The following GOLGA2 variants were observed in gnomAD, a reference collection of about 807,000 sequenced individuals.
The protein encoded by GOLGA2 is golgin subfamily A member 2.
In GOLGA2, 49 loss-of-function variants were observed where a neutral mutation model predicts 148.8. The observed-to-expected ratio is 0.33, with a 90% CI of 0.26 to 0.42. The LOEUF (loss-of-function observed/expected upper bound fraction) is 0.42, where lower values mean the gene tolerates loss of function less well. GOLGA2 is among the 10% of genes least tolerant of loss of function. The pLI is 1.00. For synonymous variants in GOLGA2, 501 were observed against 511.8 expected, an observed-to-expected ratio of 0.98 and a Z score of 0.28; for missense variants, 1,178 against 1,304.6, an observed-to-expected ratio of 0.90 and a Z score of 1.49.
rs201539252 is a variant in GOLGA2, at chr9:128,257,317, G to A, written c.2876-36C>T. On this transcript the variant is annotated intron_variant, in intron 26 of 26. Transcript: ENST00000611957. The surrounding 1 kb of genome is among the most constrained non-coding windows in gnomAD (Gnocchi z 8.0). ...AGAGAGGCAGGGCTCTGAGTGCCAC[G>A]CGAGCCCTCCCTTACTCCTGCCTGC... 6.3e-5 allele frequency: 101 copies of A among 1,611,194 alleles called. No individual in the cohort carries two copies. The East Asian group carries it at 1.2e-3, about 19-fold the overall frequency.
chr9:128,267,786 GAAGGCTCAGGGAA>G, intron 6 of GOLGA2, 135 bp downstream of exon 6: 1 of 705,310 alleles, frequency 1.4e-6, no homozygotes, highest in South Asian at 1.7e-5. Context: ...CTTCAAGGGA[GAAGGCTCAGGGAA>G]AAGGCGACTT....
Position 128,266,706 on chromosome 9 carries a change from GA to G in GOLGA2, c.643-382del. The G allele has an allele frequency of 2.7e-6, 1 of 373,426 alleles. No individual in the cohort carries two copies. 23.1% of individuals were successfully genotyped at this position (373,426 alleles called of 1,614,324 possible). ...TTCTTAATAGCAGGGATACCAGACAGAAAAAGACAGACAGGAGCCCTTGGCC... is the reference window on the plus strand; with the variant it reads ...TTCTTAATAGCAGGGATACCAGACAGAAAAGACAGACAGGAGCCCTTGGCC... On this transcript the variant is annotated intron_variant, in intron 8 of 26. Coordinates refer to ENST00000611957, the MANE Select transcript of GOLGA2 (RefSeq NM_001366244.2). This position sits in a 1 kb window ranked among gnomAD's most constrained non-coding sequence, Gnocchi z 4.2.
rs758803761 is a variant in GOLGA2, at chr9:128,259,310, C to G, written c.1954G>C (p.Ala652Pro). Reference sequence around the variant, plus strand: ...TTCTCAGAGGTCAGCTGCTGATAGGCGGCCACATACTGCTGCAGGTGTCCC... The same window carrying G: ...TTCTCAGAGGTCAGCTGCTGATAGGGGGCCACATACTGCTGCAGGTGTCCC... ...YLGHLQQYVA[A>P]YQQLTSEKEV... Residue 652 changes from alanine (A) to proline (P), a missense_variant, in exon 20 of 27, where the codon GCC (alanine) becomes CCC (proline). Physicochemically the swap from Ala to Pro is conservative, Grantham distance 27. Transcript: ENST00000611957. The G allele has an allele frequency of 3.7e-6, 6 of 1,610,788 alleles. No individual in the cohort carries two copies. In the South Asian group the frequency reaches 4.4e-5, roughly 12 times the overall value.
At position 128,259,273 on chromosome 9, in the gene GOLGA2, T is replaced by C. The variant is rs532305915; in HGVS notation, c.1991A>G (p.His664Arg). ...QQLTSEKEVL[H>R]NQLLLQTQLV... is the part of the protein sequence containing the mutation. Reference sequence around the variant, plus strand: ...CTGGGTCTGCAGCAGTAGCTGATTATGCAGCACCTCCTTCTCAGAGGTCAG... The same window carrying C: ...CTGGGTCTGCAGCAGTAGCTGATTACGCAGCACCTCCTTCTCAGAGGTCAG... The change falls in exon 20 of 27, where the codon CAT (histidine) becomes CGT (arginine). Residue 664 changes from histidine to arginine, a missense_variant. Coordinates refer to ENST00000611957, the MANE Select transcript of GOLGA2 (RefSeq NM_001366244.2). The C allele has an allele frequency of 1.2e-6, 2 of 1,611,972 alleles. No homozygotes were observed. Among genetic ancestry groups the C allele is most frequent in the South Asian group, 1.1e-5 (1 of 90,878 alleles).
At position 128,266,910 on chromosome 9, in the gene GOLGA2, C is replaced by G; in HGVS notation, c.642+284G>C. ...GGCAGAAATACAGGGCTCCTGACAACCAGTCAGGCTAGCGCTTCCCCAAGA... is the reference window on the plus strand; with the variant it reads ...GGCAGAAATACAGGGCTCCTGACAAGCAGTCAGGCTAGCGCTTCCCCAAGA... On this transcript the variant is annotated intron_variant, in intron 8 of 26. Transcript: ENST00000611957. This position sits in a 1 kb window ranked among gnomAD's most constrained non-coding sequence, Gnocchi z 4.2. 2 of 529,520 alleles carry G rather than the reference C, an allele frequency of 3.8e-6. No homozygotes were observed. The highest frequency in any genetic ancestry group is 6.8e-6 in the Non-Finnish European group (2 of 293,680). 32.8% of individuals were successfully genotyped at this position (529,520 alleles called of 1,614,324 possible). A position where few individuals can be genotyped will look rare whatever the true frequency, so the allele number is the denominator to read the frequency against.
In GOLGA2 at chr9:128,257,110, T is replaced by TA. The variant is rs763679060; in HGVS notation, c.3046dup (p.Tyr1016LeufsTer4). The TA allele has an allele frequency of 1.1e-5, 17 of 1,611,638 alleles. No homozygotes were observed. Among genetic ancestry groups the TA allele is most frequent in the South Asian group, 1.1e-5 (1 of 90,986 alleles). ...CACCTCATCATTCTCGTCAGCCCGG[T>TA]AAAAAAAAGGAATGCAGGGGTTGCT... On this transcript the variant is annotated frameshift_variant, in exon 27 of 27. Transcript: ENST00000611957. LOFTEE classifies it high-confidence loss of function. The surrounding 1 kb of genome is among the most constrained non-coding windows in gnomAD (Gnocchi z 8.0).
Position 128,271,961 on chromosome 9 carries a change from T to C in GOLGA2, c.288+824A>G, listed in dbSNP as rs1477676490. On this transcript the variant is annotated intron_variant, in intron 3 of 26. Coordinates refer to ENST00000611957, the MANE Select transcript of GOLGA2 (RefSeq NM_001366244.2). The surrounding 1 kb of genome is among the most constrained non-coding windows in gnomAD (Gnocchi z 4.4). Reference sequence around the variant, plus strand: ...CAGTTAGTTCCTCTGAAAAAATAGCTTCAATCCTTCCAACTATAATGTGAA... The same window carrying C: ...CAGTTAGTTCCTCTGAAAAAATAGCCTCAATCCTTCCAACTATAATGTGAA... 1.3e-5 allele frequency among the ~76,000 whole-genome samples: 2 copies of C among 151,996 alleles called. No homozygotes were observed. The highest frequency in any genetic ancestry group is 2.4e-5 in the African/African-American group (1 of 41,358).
rs552068111 is a variant in GOLGA2 at position 128,259,309 on chromosome 9, G to A, written c.1955C>T (p.Ala652Val). 11 of 1,611,388 alleles carry A rather than the reference G, an allele frequency of 6.8e-6. No individual in the cohort carries two copies. Residue 652 changes from alanine to valine, a missense_variant, in exon 20 of 27, where the codon GCC (alanine) becomes GTC (valine). Physicochemically the swap from Ala to Val is moderately conservative, Grantham distance 64. Transcript: ENST00000611957. ...YLGHLQQYVA[A>V]YQQLTSEKEV... ...CTTCTCAGAGGTCAGCTGCTGATAG[G>A]CGGCCACATACTGCTGCAGGTGTCC...
At chr9:128,262,487 C>T (rs1830332153) in intron 14 of GOLGA2, 76 bp downstream of exon 14, 5 of 1,426,100 alleles carry the variant, frequency 3.5e-6, no homozygotes, top group Admixed American at 2.1e-5. Context: ...GGAGTCTCCC[C>T]ATGCCCTGCA....
At chr9:128,262,944 C>T in intron 13 of GOLGA2, 90 bp downstream of exon 13, 1 of 930,462 alleles carries the variant, frequency 1.1e-6, no homozygotes, top group South Asian at 1.3e-5. Context: ...CTATGACTAC[C>T]TCATCATGCT....
Position 128,265,685 on chromosome 9 carries a change from G to C in GOLGA2, c.833C>G (p.Ser278Cys), listed in dbSNP as rs1178321620. 1.9e-6 allele frequency: 3 copies of C among 1,613,778 alleles called. No homozygotes were observed. The East Asian group carries it at 6.7e-5, about 36-fold the overall frequency. The part of the protein sequence containing the change: ...QHAARQKEGE[S>C]EDLASRLQYS... ...CTGCAGGCGGCTGGCCAGATCTTCAGACTCTCCTGGAATGAGAGAGGTTGA... is the reference window on the plus strand; with the variant it reads ...CTGCAGGCGGCTGGCCAGATCTTCACACTCTCCTGGAATGAGAGAGGTTGA... Residue 278 changes from serine to cysteine, a missense_variant, in exon 12 of 27, where the codon TCT (serine) becomes TGT (cysteine). By Grantham distance (112) the Ser-to-Cys change is moderately radical. Coordinates refer to ENST00000611957, the MANE Select transcript of GOLGA2 (RefSeq NM_001366244.2).
Position 128,261,813 on chromosome 9 carries a change from G to C in GOLGA2, c.1135-56C>G, listed in dbSNP as rs550869936. On this transcript the variant is annotated intron_variant, in intron 14 of 26. Transcript: ENST00000611957. This position sits in a 1 kb window ranked among gnomAD's most constrained non-coding sequence, Gnocchi z 5.7. ...TGGGGAGCCCAGGCCGTTCCAAATA[G>C]TGCCCCTTAAAAGGGCTAGGGCTAG... is the stretch of plus-strand genomic sequence containing the variant. The C allele has an allele frequency of 3.9e-4, 448 of 1,156,360 alleles. 10 individuals carry two copies. In the South Asian group the frequency reaches 5.2e-3, roughly 14 times the overall value. The allele number at this position is 1,156,360 out of a possible 1,614,324, so 71.6% of individuals were successfully genotyped here. A position where few individuals can be genotyped will look rare whatever the true frequency, so the allele number is the denominator to read the frequency against.
At position 128,267,393 on chromosome 9, in the gene GOLGA2, C is replaced by A. The variant is rs1027955501; in HGVS notation, c.561+65G>T. On this transcript the variant is annotated intron_variant, in intron 7 of 26. Coordinates refer to ENST00000611957, the MANE Select transcript of GOLGA2 (RefSeq NM_001366244.2). ...AGCTGGCAGAGGGGCACCCAGCCCC[C>A]GCTGTGGGAGGAGGTTGGAGGGCTG... 4.0e-6 allele frequency: 6 copies of A among 1,495,866 alleles called. No homozygotes were observed. The South Asian group carries it at 6.8e-5, about 17-fold the overall frequency. The allele number at this position is 1,495,866 out of a possible 1,614,324, so 92.7% of individuals were successfully genotyped here.
Position 128,265,626 on chromosome 9 carries a change from C to T in GOLGA2, c.892G>A (p.Ala298Thr). ...SRRRVGELER[A>T]LSAVSTQQKK... Reference sequence around the variant, plus strand: ...TGCTGCGTGGAGACAGCAGAGAGAGCCCGCTCCAACTCTCCCACACGCCGC... The same window carrying T: ...TGCTGCGTGGAGACAGCAGAGAGAGTCCGCTCCAACTCTCCCACACGCCGC... Residue 298 changes from alanine to threonine, a missense_variant, in exon 12 of 27, where the codon GCT becomes ACT. Physicochemically the swap from Ala to Thr is moderately conservative, Grantham distance 58. This residue lies in a region of GOLGA2 where 304 missense variants were observed against 404.1 expected (regional missense o/e 0.75). Coordinates refer to ENST00000611957, the MANE Select transcript of GOLGA2 (RefSeq NM_001366244.2). 1 of 1,613,624 alleles carries T rather than the reference C, an allele frequency of 6.2e-7. No homozygotes were observed. The highest frequency in any genetic ancestry group is 1.3e-5 in the African/African-American group (1 of 75,040).
At position 128,260,104 on chromosome 9, in the gene GOLGA2, T is replaced by A. The variant is rs756699959; in HGVS notation, c.1844A>T (p.Gln615Leu). The A allele has an allele frequency of 1.2e-6, 2 of 1,610,676 alleles. No individual in the cohort carries two copies. Among genetic ancestry groups the A allele is most frequent in the Non-Finnish European group, 1.7e-6 (2 of 1,179,570 alleles). Residue 615 changes from glutamine to leucine, a missense_variant, in exon 19 of 27, where the codon CAG (glutamine) becomes CTG (leucine). Transcript: ENST00000611957. The surrounding 1 kb of genome is among the most constrained non-coding windows in gnomAD (Gnocchi z 4.8). ...TTCCTTCAGCTCGCTCAGCTTCTCC[T>A]GCAGCTCGCCCAGCTTCTTTCCCAG... is the stretch of plus-strand genomic sequence containing the variant. ...RELGKKLGEL[Q>L]EKLSELKETV... is the part of the protein sequence containing the mutation.
chr9:128,263,895 G>A (rs926350849), intron 12 of GOLGA2, among the ~76,000 whole-genome samples: 2 of 150,196 alleles, frequency 1.3e-5, no homozygotes, highest in African/African-American at 4.9e-5. Context: ...GGTGGCTCAC[G>A]CCTGTAATCC....
Position 128,258,160 on chromosome 9 carries a change from C to T in GOLGA2, c.2328G>A (p.Glu776=), listed in dbSNP as rs1830020089. The change falls in exon 23 of 27, where the codon GAG becomes GAA. Residue 776 remains glutamate, a synonymous_variant. Transcript: ENST00000611957. This position sits in a 1 kb window ranked among gnomAD's most constrained non-coding sequence, Gnocchi z 6.6. ...GCTGCCCACGTAGCCTTGCCTGCTCCTCCTCGGCACTGGCTACAGCTGAGT... is the reference window on the plus strand; with the variant it reads ...GCTGCCCACGTAGCCTTGCCTGCTCTTCCTCGGCACTGGCTACAGCTGAGT... The part of the protein sequence containing the change: ...FFNSAVASAE[E]EQARLRGQLK... The T allele has an allele frequency of 6.2e-7, 1 of 1,604,444 alleles. No homozygotes were observed. The highest frequency in any genetic ancestry group is 8.5e-7 in the Non-Finnish European group (1 of 1,177,634).
Position 128,268,463 on chromosome 9 carries a change from A to C in GOLGA2, c.350T>G (p.Val117Gly). ...AGTGAGACTGGCACCAGGGGAAGGG[A>C]CACCGCCAGGTAACACGGTGTCATC... is the stretch of plus-strand genomic sequence containing the variant. ...PSDDTVLPGG[V>G]PSPGASLTSM... is the part of the protein sequence containing the mutation. Residue 117 changes from valine to glycine, a missense_variant, in exon 4 of 27, where the codon GTC (valine) becomes GGC (glycine). By Grantham distance (109) the Val-to-Gly change is moderately radical. Transcript: ENST00000611957. 1 of 1,612,274 alleles carries C rather than the reference A, an allele frequency of 6.2e-7. No homozygotes were observed. The highest frequency in any genetic ancestry group is 1.3e-5 in the African/African-American group (1 of 75,020).
In GOLGA2 at chr9:128,257,159, G is replaced by A. The variant is rs113640242; in HGVS notation, c.2998C>T (p.Pro1000Ser). 1.4e-4 allele frequency: 233 copies of A among 1,614,036 alleles called. No individual in the cohort carries two copies. Among genetic ancestry groups the A allele is most frequent in the Non-Finnish European group, 1.3e-4 (156 of 1,180,008 alleles). ...IMQLLREMQNPRERPGLGSNP... is the reference protein window; with the variant it reads ...IMQLLREMQNSRERPGLGSNP... ...CTGCCCAAGCCTGGGCGCTCCCGGG[G>A]GTTCTGCATCTCACGAAGCAGCTGC... The change falls in exon 27 of 27, where the codon CCC becomes TCC. Residue 1000 changes from proline to serine, a missense_variant. Pro to Ser is a moderately conservative substitution (Grantham distance 74). Coordinates refer to ENST00000611957, the MANE Select transcript of GOLGA2 (RefSeq NM_001366244.2). This position sits in a 1 kb window ranked among gnomAD's most constrained non-coding sequence, Gnocchi z 8.0.
Sources: gnomAD v4.1 joint callset for allele counts (sites outside exome capture counted in the v4.1 genomes callset) on GRCh38, gnomAD v4.1.1 for gene constraint, gnomAD v4.1.1 regional missense constraint, Gnocchi (gnomAD v3.1) non-coding constraint, MANE v1.5 for transcripts, NCBI Gene and HGNC (gene_info 2026-07-23, HGNC 2026-07-21) for gene names.